The following DCP1A variants were observed in gnomAD, a reference collection of about 807,000 sequenced individuals.
DCP1A encodes mRNA-decapping enzyme 1A.
A neutral mutation model predicts 58.0 loss-of-function variants in DCP1A; 20 were observed. That is an observed-to-expected ratio of 0.34 (90% CI 0.24 to 0.50). The LOEUF is 0.50. Ranked by LOEUF, DCP1A falls within the 20% of genes least tolerant of loss-of-function variation. DCP1A has a pLI of 0.98. For missense variants in DCP1A, 613 were observed against 712.2 expected (o/e 0.86, Z 1.59); for synonymous variants, 285 against 275.1 (o/e 1.04, Z -0.36).
At chr3:53,343,847 G>A (rs1553692872) in intron 2 of DCP1A, among the ~76,000 whole-genome samples, 4 of 152,100 alleles carry the variant, frequency 2.6e-5, no homozygotes, top group Admixed American at 6.6e-5. Context: ...TCCTGACCTC[G>A]TGATCCGCCC....
intron 3 of DCP1A, among the ~76,000 whole-genome samples, chr3:53,335,327 G>A (rs868907545): frequency 2.0e-5 from 3 of 151,874 alleles, no homozygotes; most frequent in Admixed American, 6.6e-5. Context: ...TTTTAGTAGC[G>A]GTGGGGTTTC....
chr3:53,290,004 G>A (rs1347079043), intron 8 of DCP1A, among the ~76,000 whole-genome samples: 3 of 152,182 alleles, frequency 2.0e-5, no homozygotes, highest in African/African-American at 7.2e-5. Context: ...AAAGAGGCTC[G>A]TTTCCAAGAC....
chr3:53,333,385 C>G (rs2089051200), intron 3 of DCP1A, among the ~76,000 whole-genome samples: 1 of 152,034 alleles, frequency 6.6e-6, no homozygotes, highest in South Asian at 2.1e-4. Flanking sequence ...ACCTCGTGAT[C>G]CACCCTCCTC....
At position 53,287,467 on chromosome 3, in the gene DCP1A, T is replaced by C; in HGVS notation, c.*113A>G. On this transcript the variant is annotated 3_prime_UTR_variant, in exon 10 of 10. Coordinates refer to ENST00000610213, the MANE Select transcript of DCP1A (RefSeq NM_018403.7). ...CATTCTTAAGAAATGAGTCTCTTTC[T>C]CATAGGCTCAATTTCAGGATTCTCA... 1 of 619,418 alleles carries C rather than the reference T, an allele frequency of 1.6e-6. No homozygotes were observed. The highest frequency in any genetic ancestry group is 2.8e-6 in the Non-Finnish European group (1 of 352,214). 38.4% of individuals were successfully genotyped at this position (619,418 alleles called of 1,614,324 possible). A position where few individuals can be genotyped will look rare whatever the true frequency, so the allele number is the denominator to read the frequency against.
intron 6 of DCP1A, among the ~76,000 whole-genome samples, chr3:53,298,815 T>C (rs1707218498): frequency 6.6e-6 from 1 of 152,378 alleles, no homozygotes; most frequent in South Asian, 2.1e-4. Flanking sequence ...TTTTGGTCAA[T>C]GATGGACTGC....
intron 7 of DCP1A, 89 bp from the exon 8 acceptor site, chr3:53,290,945 T>TCTTAATTGAAAAAGATTTTCCACTG: frequency 8.5e-7 from 1 of 1,178,976 alleles, no homozygotes; most frequent in Non-Finnish European, 1.2e-6. Flanking sequence ...ACTTTCCCAG[T>TCTTAATTGAAAAAGATTTTCCACTG]GGAAAATCTA....
chr3:53,292,329 A>G lies in DCP1A; in HGVS notation c.1123T>C (p.Phe375Leu). Residue 375 changes from phenylalanine to leucine, a missense_variant, in exon 7 of 10, where the codon TTC becomes CTC. Around this residue, in one of 3 missense-constraint regions of DCP1A, gnomAD observed 498 missense variants for 556.7 expected, o/e 0.89. Transcript: ENST00000610213. ...TTCGTCACGTTCAATGGGGCCCTGA[A>G]GGGGCTCTGGTTGGCAATCAGACTG... Reference protein sequence around the residue: ...HASLIANQSPFRAPLNVTNTA... With the variant: ...HASLIANQSPLRAPLNVTNTA... The G allele has an allele frequency of 6.2e-7, 1 of 1,612,940 alleles. No homozygotes were observed. The highest frequency in any genetic ancestry group is 8.5e-7 in the Non-Finnish European group (1 of 1,179,082).
intron 3 of DCP1A, among the ~76,000 whole-genome samples, chr3:53,324,896 T>G (rs1708067491): frequency 6.6e-6 from 1 of 151,638 alleles, no homozygotes; most frequent in Non-Finnish European, 1.5e-5. Flanking sequence ...AAGAAAAAAG[T>G]TAGGAGGTGT....
At chr3:53,347,013 T>G (rs958132622) in intron 1 of DCP1A, among the ~76,000 whole-genome samples, 3 of 152,148 alleles carry the variant, frequency 2.0e-5, no homozygotes, top group African/African-American at 7.2e-5. Context: ...TATCTAATAA[T>G]CCGCAAAGCC....
rs972669810 is a variant in DCP1A at position 53,286,551 on chromosome 3, T to C, written c.*1029A>G. 6 of 152,206 alleles carry C rather than the reference T, an allele frequency of 3.9e-5. No individual in the cohort carries two copies. The highest frequency in any genetic ancestry group is 6.5e-5 in the Admixed American group (1 of 15,278). The allele number at this position is 152,206 out of a possible 1,614,324, so 9.4% of individuals were successfully genotyped here. ...AAAGTACTCACAGCCTAGGAATACATTGGTAGAGTTCGGAATCACATTTTC... is the reference window on the plus strand; with the variant it reads ...AAAGTACTCACAGCCTAGGAATACACTGGTAGAGTTCGGAATCACATTTTC... On this transcript the variant is annotated 3_prime_UTR_variant, in exon 10 of 10. Coordinates refer to ENST00000610213, the MANE Select transcript of DCP1A (RefSeq NM_018403.7).
At chr3:53,334,111 C>T (rs1474374090) in intron 3 of DCP1A, among the ~76,000 whole-genome samples, 1 of 151,806 alleles carries the variant, frequency 6.6e-6, no homozygotes, top group African/African-American at 2.4e-5. Context: ...AAAATAAAAA[C>T]GTATTAGCTG....
At chr3:53,324,267 C>T (rs984936932) in intron 3 of DCP1A, among the ~76,000 whole-genome samples, 3 of 152,196 alleles carry the variant, frequency 2.0e-5, no homozygotes, top group Admixed American at 6.5e-5. Flanking sequence ...AAAAGCAGAC[C>T]TGTAGAGGTT....
intron 4 of DCP1A, among the ~76,000 whole-genome samples, chr3:53,315,864 C>G (rs1553689192): frequency 1.4e-5 from 2 of 140,000 alleles, no homozygotes; most frequent in Non-Finnish European, 3.0e-5. Context: ...CGCCATTCTT[C>G]TGCCTCAGCC....
At chr3:53,321,532 C>A (rs1159532307) in intron 3 of DCP1A, among the ~76,000 whole-genome samples, 1 of 152,084 alleles carries the variant, frequency 6.6e-6, no homozygotes, top group African/African-American at 2.4e-5. Flanking sequence ...CCAGCCTGGC[C>A]AACATGGTGA....
rs1294334827 is a variant in DCP1A at position 53,315,755 on chromosome 3, TTG to T, written c.372-3378_372-3377del. 8.3e-4 allele frequency among the ~76,000 whole-genome samples: 90 copies of T among 108,810 alleles called. 9 individuals are homozygous for T. Among genetic ancestry groups the T allele is most frequent in the African/African-American group, 1.3e-3 (34 of 25,278 alleles). The allele number at this position is 108,810 out of a possible 152,430, so 71.4% of individuals were successfully genotyped here. ...TAAATCAGTTTGTTGTTTTTTTTTT[TTG>T]TTTTTTTTTTTTTTGAGACGGAGTC... On this transcript the variant is annotated intron_variant, in intron 4 of 9. Transcript: ENST00000610213.
chr3:53,292,222 T>C lies in DCP1A; in HGVS notation c.1230A>G (p.Gln410=). The C allele has an allele frequency of 6.2e-7, 1 of 1,613,902 alleles. No individual in the cohort carries two copies. Among genetic ancestry groups the C allele is most frequent in the Non-Finnish European group, 8.5e-7 (1 of 1,179,838 alleles). The change falls in exon 7 of 10, where the codon CAA becomes CAG. Residue 410 remains glutamine (Q), a synonymous_variant. Transcript: ENST00000610213. ...LTPQHDQIQT[Q]PLGKGAMVAS... ...CTACCATTGCACCTTTCCCAAGTGG[T>C]TGTGTCTGTATTTGGTCATGCTGTG...
chr3:53,302,646 A>G (rs989924069), intron 6 of DCP1A, among the ~76,000 whole-genome samples: 26 of 152,328 alleles, frequency 1.7e-4, no homozygotes, highest in African/African-American at 5.8e-4. Flanking sequence ...ATTTTGAGCC[A>G]GAGCCTTGCT....
At chr3:53,316,033 C>T (rs563906192) in intron 4 of DCP1A, among the ~76,000 whole-genome samples, 51 of 152,168 alleles carry the variant, frequency 3.4e-4, no homozygotes, top group South Asian at 1.2e-3. Flanking sequence ...GGATTACAGG[C>T]GTGAGCCACC....
intron 4 of DCP1A, among the ~76,000 whole-genome samples, chr3:53,317,026 C>T (rs1239342335): frequency 2.0e-5 from 3 of 152,034 alleles, no homozygotes; most frequent in Non-Finnish European, 2.9e-5. Flanking sequence ...CTAAAAGAGC[C>T]AGATCATTTC....
Sources: allele counts gnomAD v4.1 joint callset (sites outside exome capture counted in the v4.1 genomes callset), GRCh38; gene constraint gnomAD v4.1.1; regional missense constraint gnomAD v4.1.1; transcripts MANE v1.5; gene names NCBI Gene and HGNC (gene_info 2026-07-23, HGNC 2026-07-21).